SRPK2: variants seen among roughly 807,000 people sequenced by gnomAD.
SRPK2 encodes SRSF protein kinase 2.
A neutral mutation model predicts 90.8 loss-of-function variants in SRPK2; 21 were observed. The observed-to-expected ratio is 0.23, with a 90% CI of 0.16 to 0.33. The LOEUF (loss-of-function observed/expected upper bound fraction) is 0.33, where lower values mean the gene tolerates loss of function less well. Among genes scored for constraint, SRPK2 ranks in the 10% least tolerant of loss-of-function variants. SRPK2 has a pLI of 1.00. For missense variants in SRPK2, 620 were observed against 869.0 expected (o/e 0.71, Z 3.60); for synonymous variants, 288 against 311.1 (o/e 0.93, Z 0.78).
At chr7:105,328,628 G>A (rs1813887749) in intron 2 of SRPK2, among the ~76,000 whole-genome samples, 1 of 151,338 alleles carries the variant, frequency 6.6e-6, no homozygotes. Flanking sequence ...ACTTTGGGAG[G>A]CCGAGACGGG....
At chr7:105,258,417 C>CAAAAAAAAAAAAAA (rs33941320) in intron 2 of SRPK2, among the ~76,000 whole-genome samples, 1 of 121,604 alleles carries the variant, frequency 8.2e-6, no homozygotes, top group Non-Finnish European at 1.7e-5. Context: ...AACTCGGTCT[C>CAAAAAAAAAAAAAA]AAAAAAAAAA....
At chr7:105,365,728 G>C (rs1264127656) in intron 2 of SRPK2, among the ~76,000 whole-genome samples, 1 of 151,676 alleles carries the variant, frequency 6.6e-6, no homozygotes, top group South Asian at 2.1e-4. Context: ...GAGCTTAGTA[G>C]GTCAGGGCTG....
chr7:105,147,117 A>T (rs1804755376), intron 7 of SRPK2, among the ~76,000 whole-genome samples: 1 of 152,150 alleles, frequency 6.6e-6, no homozygotes, highest in African/African-American at 2.4e-5. Context: ...TTGTCTTAAC[A>T]TTCTTTTCTC....
At chr7:105,213,607 C>T (rs1440915099) in intron 2 of SRPK2, among the ~76,000 whole-genome samples, 1 of 152,090 alleles carries the variant, frequency 6.6e-6, no homozygotes, top group African/African-American at 2.4e-5. Context: ...GATTTTAGAG[C>T]ACATACATAT....
chr7:105,338,399 C>T (rs1333914449), intron 2 of SRPK2, among the ~76,000 whole-genome samples: 1 of 152,200 alleles, frequency 6.6e-6, no homozygotes, highest in Non-Finnish European at 1.5e-5. Context: ...CCAGCACCAC[C>T]ACGGCTGACT....
At chr7:105,370,706 C>T (rs1819599180) in intron 2 of SRPK2, among the ~76,000 whole-genome samples, 1 of 149,744 alleles carries the variant, frequency 6.7e-6, no homozygotes, top group East Asian at 1.9e-4. Context: ...ACCTCTGCCT[C>T]CCAGGTTCAA....
At chr7:105,123,400 G>A (rs1293832572) in intron 15 of SRPK2, among the ~76,000 whole-genome samples, 1 of 152,168 alleles carries the variant, frequency 6.6e-6, no homozygotes, top group Non-Finnish European at 1.5e-5. Flanking sequence ...TGACCCAGAG[G>A]AGAAAGAGCG....
intron 2 of SRPK2, among the ~76,000 whole-genome samples, chr7:105,365,288 C>G (rs373581053): frequency 2.6e-5 from 4 of 151,732 alleles, no homozygotes; most frequent in African/African-American, 9.7e-5. Flanking sequence ...AGCTGGAGAC[C>G]AGCCCGGCCA....
chr7:105,322,898 C>A (rs117093145), intron 2 of SRPK2, among the ~76,000 whole-genome samples: 1 of 152,116 alleles, frequency 6.6e-6, no homozygotes. Flanking sequence ...GGAGACAAAA[C>A]ACAGGATCAA....
intron 3 of SRPK2, among the ~76,000 whole-genome samples, chr7:105,192,152 C>T (rs1378068170): frequency 6.6e-6 from 1 of 151,828 alleles, no homozygotes; most frequent in East Asian, 1.9e-4. Flanking sequence ...TTGGTGCACC[C>T]ATCACCGATA....
intron 2 of SRPK2, among the ~76,000 whole-genome samples, chr7:105,304,855 A>C (rs1810976013): frequency 1.3e-5 from 2 of 152,178 alleles, no homozygotes. Context: ...TGCTGCCTAC[A>C]GATGCCCTCA....
At chr7:105,276,084 A>AT (rs777947696) in intron 2 of SRPK2, among the ~76,000 whole-genome samples, 901 of 86,360 alleles carry the variant, frequency 0.01, 3 homozygotes, top group Middle Eastern at 0.026. Context: ...ATATATATAT[A>AT]TTTTTTTTTT....
At chr7:105,174,998 A>G (rs1791646570) in intron 3 of SRPK2, among the ~76,000 whole-genome samples, 1 of 152,116 alleles carries the variant, frequency 6.6e-6, no homozygotes, top group Non-Finnish European at 1.5e-5. Context: ...TACAAAAATT[A>G]GCTGGGCGTG....
chr7:105,143,012 T>G, intron 10 of SRPK2, 72 bp downstream of exon 10: 1 of 1,548,952 alleles, frequency 6.5e-7, no homozygotes, highest in Non-Finnish European at 8.7e-7. Flanking sequence ...TCAGCCCCCA[T>G]GTTGACCTGG....
chr7:105,341,185 G>A (rs912074214), intron 2 of SRPK2, among the ~76,000 whole-genome samples: 1 of 151,720 alleles, frequency 6.6e-6, no homozygotes, highest in African/African-American at 2.4e-5. Flanking sequence ...CCAACATGGT[G>A]AAACCCCATC....
intron 2 of SRPK2, among the ~76,000 whole-genome samples, chr7:105,381,262 T>C (rs920092222): frequency 2.0e-5 from 3 of 152,044 alleles, no homozygotes; most frequent in African/African-American, 7.2e-5. Flanking sequence ...AAAAAAGTTA[T>C]TTCATTAAAA....
chr7:105,344,993 G>A (rs1345115850), intron 2 of SRPK2, among the ~76,000 whole-genome samples: 8 of 152,120 alleles, frequency 5.3e-5, no homozygotes, highest in African/African-American at 1.9e-4. Flanking sequence ...AAAATTAGCT[G>A]GGGGTGATGG....
At chr7:105,209,598 G>A (rs919729770) in intron 2 of SRPK2, among the ~76,000 whole-genome samples, 5 of 150,340 alleles carry the variant, frequency 3.3e-5, no homozygotes, top group Admixed American at 6.7e-5. Context: ...GAAGGGAAGG[G>A]GAAAGGAAAA....
chr7:105,348,068 C>CTTTTTTTTT (rs770159031), intron 2 of SRPK2, among the ~76,000 whole-genome samples: 43 of 81,016 alleles, frequency 5.3e-4, no homozygotes, highest in Non-Finnish European at 6.6e-4. Flanking sequence ...GCTTGGCAAA[C>CTTTTTTTTT]TTTTTTTTTT....
Sources: gnomAD v4.1 joint callset for allele counts (sites outside exome capture counted in the v4.1 genomes callset) on GRCh38, gnomAD v4.1.1 for gene constraint, MANE v1.5 for transcripts, NCBI Gene and HGNC (gene_info 2026-07-23, HGNC 2026-07-21) for gene names.